PDE10A: variants seen among roughly 807,000 people sequenced by gnomAD.
PDE10A encodes the protein cAMP and cAMP-inhibited cGMP 3',5'-cyclic phosphodiesterase 10A.
PDE10A carries 39 observed loss-of-function variants against 97.7 expected under a neutral mutation model. The observed-to-expected ratio is 0.40, with a 90% CI of 0.31 to 0.52. The LOEUF (loss-of-function observed/expected upper bound fraction) is 0.52, where lower values mean the gene tolerates loss of function less well. Among genes scored for constraint, PDE10A ranks in the 20% least tolerant of loss-of-function variants. The pLI is 0.56. For missense variants in PDE10A, 731 were observed against 1,047.8 expected (o/e 0.70, Z 4.17); for synonymous variants, 371 against 376.8 (o/e 0.98, Z 0.18).
chr6:165,478,159 A>T (rs1370538388), intron 3 of PDE10A, among the ~76,000 whole-genome samples: 3 of 152,148 alleles, frequency 2.0e-5, no homozygotes, highest in African/African-American at 7.2e-5. Flanking sequence ...TAAACTTACT[A>T]ATTTTCCAAT....
intron 1 of PDE10A, among the ~76,000 whole-genome samples, chr6:165,878,129 T>C (rs185879802): frequency 6.6e-6 from 1 of 152,206 alleles, no homozygotes; most frequent in Admixed American, 6.5e-5. Context: ...AGAGACTTCA[T>C]GAGACACCAA....
intron 13 of PDE10A, among the ~76,000 whole-genome samples, chr6:165,399,586 C>A (rs1786470077): frequency 6.7e-6 from 1 of 149,142 alleles, no homozygotes; most frequent in Non-Finnish European, 1.5e-5. Flanking sequence ...TCCCCCCTCC[C>A]CACAACAGGC....
At chr6:165,699,349 C>T (rs9348037) in intron 1 of PDE10A, among the ~76,000 whole-genome samples, 68,494 of 151,914 alleles carry the variant, frequency 0.45, 16,680 homozygotes, top group Non-Finnish European at 0.56. Context: ...GGAAACAAAA[C>T]CTAATGAACA....
intron 1 of PDE10A, among the ~76,000 whole-genome samples, chr6:165,639,564 C>A (rs1789030763): frequency 6.6e-6 from 1 of 151,678 alleles, no homozygotes; most frequent in African/African-American, 2.4e-5. Flanking sequence ...ATGGCAAAAT[C>A]CCATCTCTAC....
intron 1 of PDE10A, among the ~76,000 whole-genome samples, chr6:165,973,159 C>T (rs1425937347): frequency 6.6e-6 from 1 of 152,220 alleles, no homozygotes; most frequent in Non-Finnish European, 1.5e-5. Context: ...TGGTTCATGC[C>T]TGTAATCCCA....
At chr6:165,527,683 T>C (rs149901405) in intron 2 of PDE10A, among the ~76,000 whole-genome samples, 1 of 152,300 alleles carries the variant, frequency 6.6e-6, no homozygotes, top group Non-Finnish European at 1.5e-5. Flanking sequence ...ACAGCAGCAT[T>C]CTATCATCAA....
chr6:165,732,176 C>A (rs1195400497), intron 1 of PDE10A, among the ~76,000 whole-genome samples: 3 of 152,200 alleles, frequency 2.0e-5, no homozygotes, highest in Non-Finnish European at 4.4e-5. Context: ...ACGAGAACTA[C>A]CTGCCTCTCC....
intron 1 of PDE10A, among the ~76,000 whole-genome samples, chr6:165,639,920 A>AAT (rs1183735770): frequency 1.3e-5 from 2 of 151,954 alleles, no homozygotes; most frequent in South Asian, 2.1e-4. Flanking sequence ...AATTTTAAAA[A>AAT]TGAGCCAGGT....
chr6:165,815,089 C>T (rs1779374012), intron 1 of PDE10A, among the ~76,000 whole-genome samples: 1 of 152,182 alleles, frequency 6.6e-6, no homozygotes, highest in African/African-American at 2.4e-5. Context: ...CTGTCAGGAT[C>T]AACGTTACTT....
At chr6:165,967,292 T>C (rs925824907) in intron 1 of PDE10A, among the ~76,000 whole-genome samples, 1 of 152,106 alleles carries the variant, frequency 6.6e-6, no homozygotes, top group Non-Finnish European at 1.5e-5. Flanking sequence ...ACCTCAGGAG[T>C]TCCAGACCAG....
At chr6:165,377,052 T>C (rs1311696595) in intron 18 of PDE10A, among the ~76,000 whole-genome samples, 1 of 152,204 alleles carries the variant, frequency 6.6e-6, no homozygotes, top group Non-Finnish European at 1.5e-5. Flanking sequence ...GCTGAAGTCT[T>C]AGATGATCAT....
At chr6:165,360,633 A>G (rs920017025) in intron 18 of PDE10A, among the ~76,000 whole-genome samples, 1 of 152,212 alleles carries the variant, frequency 6.6e-6, no homozygotes, top group African/African-American at 2.4e-5. Context: ...AAACTGGGGA[A>G]GAGGTGGCTG....
chr6:165,364,853 T>C (rs1460429181), intron 18 of PDE10A, among the ~76,000 whole-genome samples: 2 of 152,110 alleles, frequency 1.3e-5, no homozygotes, highest in Admixed American at 1.3e-4. Flanking sequence ...GAAAATTACT[T>C]TGAAATAACC....
intron 3 of PDE10A, among the ~76,000 whole-genome samples, chr6:165,481,125 T>C (rs1476278901): frequency 6.6e-6 from 1 of 152,210 alleles, no homozygotes; most frequent in Non-Finnish European, 1.5e-5. Flanking sequence ...CACTGTAATA[T>C]TTTATGACTC....
At chr6:165,392,066 A>G (rs1353767126) in intron 16 of PDE10A, among the ~76,000 whole-genome samples, 3 of 152,230 alleles carry the variant, frequency 2.0e-5, no homozygotes, top group Non-Finnish European at 4.4e-5. Context: ...GCCAGGAGTC[A>G]CTAAGCATTT....
At chr6:165,470,988 T>C (rs1778966771) in intron 3 of PDE10A, among the ~76,000 whole-genome samples, 1 of 152,172 alleles carries the variant, frequency 6.6e-6, no homozygotes, top group South Asian at 2.1e-4. Flanking sequence ...CTCCTCTCTT[T>C]TCAGGTAAAA....
intron 7 of PDE10A, among the ~76,000 whole-genome samples, chr6:165,432,107 T>TA (rs1409996662): frequency 2.0e-5 from 3 of 152,204 alleles, no homozygotes; most frequent in Admixed American, 2.0e-4. Flanking sequence ...GTGCTGGAGA[T>TA]ACTGTAGTAA....
chr6:165,743,789 C>G (rs924498021), intron 1 of PDE10A, among the ~76,000 whole-genome samples: 6 of 152,210 alleles, frequency 3.9e-5, no homozygotes, highest in Non-Finnish European at 7.3e-5. Context: ...GACTCCCTGT[C>G]TATTCTACAA....
chr6:165,987,554 T>C, exon 1 of PDE10A: 1 of 382,192 alleles, frequency 2.6e-6, no homozygotes, highest in South Asian at 1.9e-5. Context: ...GACGCGCATA[T>C]CTGCTTTCCG....
Sources: allele counts gnomAD v4.1 joint callset (sites outside exome capture counted in the v4.1 genomes callset), GRCh38; gene constraint gnomAD v4.1.1; transcripts MANE v1.5; gene names NCBI Gene and HGNC (gene_info 2026-07-23, HGNC 2026-07-21).